DPF3: variants seen among roughly 807,000 people sequenced by gnomAD.
DPF3 encodes the protein double PHD fingers 3.
In DPF3, 18 loss-of-function variants were observed where a neutral mutation model predicts 56.8. The observed-to-expected ratio is 0.32, with a 90% CI of 0.22 to 0.47. The LOEUF (loss-of-function observed/expected upper bound fraction) is 0.47, where lower values mean the gene tolerates loss of function less well. Among genes scored for constraint, DPF3 ranks in the 20% least tolerant of loss-of-function variants. DPF3 has a pLI of 1.00. For missense variants in DPF3, 403 were observed against 488.8 expected, an observed-to-expected ratio of 0.82 and a Z score of 1.65; for synonymous variants, 188 against 180.2, an observed-to-expected ratio of 1.04 and a Z score of -0.35.
At chr14:72,828,712 G>C (rs1387400498) in intron 1 of DPF3, among the ~76,000 whole-genome samples, 2 of 152,034 alleles carry the variant, frequency 1.3e-5, no homozygotes, top group Non-Finnish European at 2.9e-5. Flanking sequence ...AGGGAGGCTG[G>C]GCCCAAACAA....
rs534198023 is a variant in DPF3, at chr14:72,618,226, G to C, written c.*1071C>G. Among the ~76,000 whole-genome samples, 30 of 152,272 alleles carry C rather than the reference G, an allele frequency of 2.0e-4. No homozygotes were observed. The highest frequency in any genetic ancestry group is 6.7e-4 in the African/African-American group (28 of 41,566). ...TCTCTCCCCCATCCTAAAATTCCCA[G>C]TCAGGTCTCAGTAGACAATAGCGAA... On this transcript the variant is annotated 3_prime_UTR_variant, in exon 11 of 11. Coordinates refer to ENST00000556509, the MANE Select transcript of DPF3 (RefSeq NM_001280542.3).
chr14:72,661,290 C>T (rs1461124473), intron 8 of DPF3: 2 of 985,400 alleles, frequency 2.0e-6, no homozygotes, highest in Non-Finnish European at 2.4e-6. Flanking sequence ...ACAGGACTGG[C>T]TTTGAACAGG....
chr14:72,663,593 G>T (rs924876653), intron 8 of DPF3, among the ~76,000 whole-genome samples: 2 of 152,156 alleles, frequency 1.3e-5, no homozygotes, highest in Admixed American at 6.6e-5. Context: ...AATGAAATCT[G>T]CCATTTTGGT....
chr14:72,775,113 A>G (rs1567228961), intron 1 of DPF3, among the ~76,000 whole-genome samples: 2 of 152,278 alleles, frequency 1.3e-5, no homozygotes, highest in Non-Finnish European at 2.9e-5. Flanking sequence ...AGAGGTGTCC[A>G]ACGTGAGAGC....
intron 8 of DPF3, chr14:72,670,101 C>G (rs776566356): frequency 1.0e-6 from 1 of 985,334 alleles, no homozygotes; most frequent in Non-Finnish European, 1.2e-6. Context: ...CTGGCAGGCA[C>G]TATAAAAAAA....
intron 8 of DPF3, among the ~76,000 whole-genome samples, chr14:72,649,882 G>A (rs1249221624): frequency 2.6e-5 from 4 of 152,174 alleles, no homozygotes; most frequent in Admixed American, 6.5e-5. Flanking sequence ...ATGAAAACAC[G>A]TATCTTATTC....
At chr14:72,673,877 C>G (rs1461872026) in intron 8 of DPF3, 1 of 204,244 alleles carries the variant, frequency 4.9e-6, no homozygotes, top group Non-Finnish European at 1.0e-5. Flanking sequence ...ACAGAACAAA[C>G]TCATCTTTCT....
Position 72,661,388 on chromosome 14 carries a change from G to T in DPF3, c.871+12852C>A, listed in dbSNP as rs1886204241. ...GATTCTCAGGCTCAGAACCATTTCA[G>T]TAACACTGTGACTCAAGGACCTCTG... On this transcript the variant is annotated intron_variant, in intron 8 of 10. Transcript: ENST00000556509. The T allele has an allele frequency of 9.1e-6, 9 of 985,240 alleles. No homozygotes were observed. In the South Asian group the frequency reaches 4.2e-4, roughly 46 times the overall value. 61.0% of individuals were successfully genotyped at this position (985,240 alleles called of 1,614,324 possible).
At position 72,616,704 on chromosome 14, in the gene DPF3, T is replaced by A. The variant is rs1884113742; in HGVS notation, c.*2593A>T. 6.6e-6 allele frequency among the ~76,000 whole-genome samples: 1 copy of A among 152,158 alleles called. No homozygotes were observed. Among genetic ancestry groups the A allele is most frequent in the Non-Finnish European group, 1.5e-5 (1 of 68,020 alleles). ...GACTTGCCCAGTGTCACACAGCTAC[T>A]CCATGGCAGAGGCAACACAAAAACT... is the stretch of plus-strand genomic sequence containing the variant. On this transcript the variant is annotated 3_prime_UTR_variant, in exon 11 of 11. Transcript: ENST00000556509.
intron 1 of DPF3, among the ~76,000 whole-genome samples, chr14:72,856,034 G>C (rs1885157556): frequency 6.6e-6 from 1 of 152,358 alleles, no homozygotes; most frequent in South Asian, 2.1e-4. Context: ...AGTGTTGAAT[G>C]ACTGTGGCCT....
At position 72,778,889 on chromosome 14, in the gene DPF3, T is replaced by C. The variant is rs571085969; in HGVS notation, c.33-6996A>G. ...TTCAATGTTTAGTATTTGTCTTCTC[T>C]ACTAGACTATAAACTCCATGAGGGC... On this transcript the variant is annotated intron_variant, in intron 1 of 10. Coordinates refer to ENST00000556509, the MANE Select transcript of DPF3 (RefSeq NM_001280542.3). Among the ~76,000 whole-genome samples the C allele has an allele frequency of 1.5e-4, 23 of 152,330 alleles. No homozygotes were observed. In the South Asian group the frequency reaches 4.8e-3, roughly 32 times the overall value.
chr14:72,763,209 A>G (rs1053456046), intron 2 of DPF3, among the ~76,000 whole-genome samples: 10 of 152,086 alleles, frequency 6.6e-5, no homozygotes, highest in African/African-American at 2.2e-4. Flanking sequence ...AGACAATCCC[A>G]ACCAAACTCC....
intron 8 of DPF3, among the ~76,000 whole-genome samples, chr14:72,643,175 C>T (rs949761960): frequency 2.4e-4 from 37 of 152,358 alleles, no homozygotes; most frequent in African/African-American, 8.9e-4. Flanking sequence ...AACCCAATGG[C>T]ATTTCAGCTC....
At chr14:72,837,256 G>C (rs1884335033) in intron 1 of DPF3, among the ~76,000 whole-genome samples, 1 of 152,178 alleles carries the variant, frequency 6.6e-6, no homozygotes, top group African/African-American at 2.4e-5. Context: ...CATGCACAGA[G>C]GAAGGCAAAG....
chr14:72,714,606 T>G, intron 5 of DPF3, 105 bp from the exon 6 acceptor site: 1 of 1,305,712 alleles, frequency 7.7e-7, no homozygotes, highest in Non-Finnish European at 1.1e-6. Context: ...CCAACTTTTG[T>G]GCCAACACCA....
At chr14:72,728,673 A>G (rs996435552) in intron 4 of DPF3, among the ~76,000 whole-genome samples, 9 of 152,150 alleles carry the variant, frequency 5.9e-5, no homozygotes, top group African/African-American at 2.2e-4. Context: ...TGTCCATTCA[A>G]CAAATATTTA....
At chr14:72,775,848 C>A (rs1410910839) in intron 1 of DPF3, among the ~76,000 whole-genome samples, 1 of 152,114 alleles carries the variant, frequency 6.6e-6, no homozygotes. Context: ...AAGCACTTCT[C>A]CAAAAGTTAA....
At chr14:72,689,889 A>G (rs1221235927) in intron 7 of DPF3, among the ~76,000 whole-genome samples, 4 of 152,186 alleles carry the variant, frequency 2.6e-5, no homozygotes, top group African/African-American at 7.2e-5. Context: ...GGTTAATCAC[A>G]GAGTTTTCGA....
chr14:72,720,099 C>A (rs2153576390), intron 5 of DPF3, among the ~76,000 whole-genome samples: 1 of 152,092 alleles, frequency 6.6e-6, no homozygotes, highest in East Asian at 1.9e-4. Context: ...AGAGACCACA[C>A]ACAGAGGTGT....
Sources: gnomAD v4.1 joint callset for allele counts (sites outside exome capture counted in the v4.1 genomes callset) on GRCh38, gnomAD v4.1.1 for gene constraint, MANE v1.5 for transcripts, NCBI Gene and HGNC (gene_info 2026-07-23, HGNC 2026-07-21) for gene names.